The following SUGCT variants were observed in gnomAD, a reference collection of about 807,000 sequenced individuals.
SUGCT encodes succinyl-CoA:glutarate CoA-transferase.
SUGCT carries 41 observed loss-of-function variants against 55.0 expected under a neutral mutation model. The observed-to-expected ratio is 0.74, with a 90% CI of 0.58 to 0.97. The LOEUF (loss-of-function observed/expected upper bound fraction) is 0.97, where lower values mean the gene tolerates loss of function less well. Among genes scored for constraint, SUGCT ranks in the 50% least tolerant of loss-of-function variants. The probability of loss-of-function intolerance (pLI) is 0.00; values close to 1 mark genes in which losing one functional copy is unlikely to be tolerated. For missense variants in SUGCT, 568 were observed against 547.8 expected, an observed-to-expected ratio of 1.04 and a Z score of -0.37; for synonymous variants, 187 against 200.4, an observed-to-expected ratio of 0.93 and a Z score of 0.56.
intron 13 of SUGCT, among the ~76,000 whole-genome samples, chr7:40,823,052 C>T (rs769280314): frequency 2.0e-5 from 3 of 152,130 alleles, no homozygotes; most frequent in Non-Finnish European, 4.4e-5. Context: ...TGATGTCCCT[C>T]ATAACTCACT....
rs78342024 is a variant in SUGCT, at chr7:40,285,222, A to G, written c.720+10566A>G. ...TAATTAAGTTCAAGATATAAAAGAAATAGAAATGGAAAGATCTATTGATGT... is the reference window on the plus strand; with the variant it reads ...TAATTAAGTTCAAGATATAAAAGAAGTAGAAATGGAAAGATCTATTGATGT... On this transcript the variant is annotated intron_variant, in intron 8 of 13. Coordinates refer to ENST00000335693, the MANE Select transcript of SUGCT (RefSeq NM_001193313.2). Among the ~76,000 whole-genome samples the G allele has an allele frequency of 2.0e-4, 30 of 152,290 alleles. 2 individuals are homozygous for G. In the East Asian group the frequency reaches 5.8e-3, roughly 29 times the overall value.
At chr7:40,434,479 T>C (rs1008099342) in intron 9 of SUGCT, among the ~76,000 whole-genome samples, 1 of 152,152 alleles carries the variant, frequency 6.6e-6, no homozygotes, top group Non-Finnish European at 1.5e-5. Flanking sequence ...GAACTTCATA[T>C]CCAGATTCAT....
intron 9 of SUGCT, among the ~76,000 whole-genome samples, chr7:40,421,916 C>T (rs1303270566): frequency 6.6e-6 from 1 of 152,096 alleles, no homozygotes; most frequent in East Asian, 1.9e-4. Context: ...GACCTTCTAG[C>T]TTTGGGCCAT....
At chr7:40,442,892 G>A (rs1788596907) in intron 9 of SUGCT, among the ~76,000 whole-genome samples, 1 of 151,928 alleles carries the variant, frequency 6.6e-6, no homozygotes, top group Non-Finnish European at 1.5e-5. Flanking sequence ...ACCATGACAG[G>A]CCCCAGTGTG....
At chr7:40,247,658 A>G (rs1789992689) in intron 7 of SUGCT, among the ~76,000 whole-genome samples, 1 of 152,198 alleles carries the variant, frequency 6.6e-6, no homozygotes, top group Admixed American at 6.5e-5. Flanking sequence ...TTCTATGCTT[A>G]GTAGACATTT....
intron 8 of SUGCT, among the ~76,000 whole-genome samples, chr7:40,275,690 CT>C (rs1332612570): frequency 6.6e-6 from 1 of 151,176 alleles, no homozygotes; most frequent in East Asian, 1.9e-4. Flanking sequence ...TAAAGATACA[CT>C]TTTTTTTTCA....
chr7:40,705,486 A>C (rs1245594081), intron 12 of SUGCT, among the ~76,000 whole-genome samples: 1 of 151,304 alleles, frequency 6.6e-6, no homozygotes, highest in African/African-American at 2.4e-5. Context: ...CTATTTTCTA[A>C]TTTCCAATTT....
chr7:40,487,212 G>A (rs906356193), intron 11 of SUGCT, among the ~76,000 whole-genome samples: 2 of 141,426 alleles, frequency 1.4e-5, no homozygotes, highest in Non-Finnish European at 3.0e-5. Context: ...AGCCTTCCAG[G>A]TAGCCGGGAT....
chr7:41,035,891 G>A, the SUGCT span, among the ~76,000 whole-genome samples: 3 of 152,130 alleles, frequency 2.0e-5, no homozygotes, highest in Non-Finnish European at 2.9e-5. Flanking sequence ...CTCACATGAT[G>A]CAGCTCATAG....
chr7:40,538,270 G>A (rs1562846078), intron 12 of SUGCT: 1 of 152,174 alleles, frequency 6.6e-6, no homozygotes, highest in Admixed American at 6.5e-5. Flanking sequence ...CATTAATAAT[G>A]TTTAATGCTT....
In SUGCT at chr7:40,187,557, A is replaced by C. The variant is rs528003761; in HGVS notation, c.227-938A>C. Among the ~76,000 whole-genome samples, 3 of 152,306 alleles carry C rather than the reference A, an allele frequency of 2.0e-5. No individual in the cohort carries two copies. The South Asian group carries it at 6.2e-4, about 32-fold the overall frequency. On this transcript the variant is annotated intron_variant, in intron 3 of 13. Transcript: ENST00000335693. The stretch of plus-strand genomic sequence containing the variant: ...TGTGCCATGGACACAGAGCCTTCTG[A>C]AACCCCAGTTAGATCAGGAAAGCCT...
intron 1 of SUGCT, among the ~76,000 whole-genome samples, chr7:40,139,798 C>T (rs1291548479): frequency 1.3e-5 from 2 of 152,122 alleles, no homozygotes; most frequent in Non-Finnish European, 2.9e-5. Flanking sequence ...GTCATGAATT[C>T]TTTGCCTAGA....
intron 12 of SUGCT, among the ~76,000 whole-genome samples, chr7:40,646,965 G>T (rs1439292314): frequency 6.6e-6 from 1 of 152,302 alleles, no homozygotes; most frequent in East Asian, 1.9e-4. Flanking sequence ...ATACCTGCCA[G>T]CAGAATTAGT....
chr7:40,351,913 T>G (rs972655012), intron 9 of SUGCT, among the ~76,000 whole-genome samples: 1 of 152,248 alleles, frequency 6.6e-6, no homozygotes, highest in Non-Finnish European at 1.5e-5. Flanking sequence ...TGAGAAGCTT[T>G]TAATGCAAAG....
intron 12 of SUGCT, among the ~76,000 whole-genome samples, chr7:40,695,162 CT>C (rs929809166): frequency 7.0e-6 from 1 of 142,692 alleles, no homozygotes; most frequent in African/African-American, 2.6e-5. Context: ...TACCTAAACC[CT>C]TATTTTTATT....
intron 13 of SUGCT, among the ~76,000 whole-genome samples, chr7:40,797,380 A>G (rs1790599917): frequency 2.0e-5 from 3 of 150,676 alleles, no homozygotes; most frequent in East Asian, 2.0e-4. Context: ...TTAACTCAAG[A>G]CCTCCGAAAC....
intron 13 of SUGCT, among the ~76,000 whole-genome samples, chr7:40,810,265 T>C (rs770490489): frequency 1.4e-4 from 22 of 152,076 alleles, no homozygotes; most frequent in Admixed American, 2.6e-4. Flanking sequence ...AGATTTATTT[T>C]CTTTTGGATA....
chr7:40,772,578 GCTATCTATCTATCTATCTATCTATCTAT>G (rs70990645), intron 13 of SUGCT, among the ~76,000 whole-genome samples: 2 of 103,860 alleles, frequency 1.9e-5, no homozygotes, highest in Non-Finnish European at 4.1e-5. Context: ...TTATCTATCT[GCTATCTATCTATCTATCTATCTATCTAT>G]CTATCTATCT....
intron 9 of SUGCT, among the ~76,000 whole-genome samples, chr7:40,331,306 T>C (rs1796300012): frequency 6.6e-6 from 1 of 152,218 alleles, no homozygotes; most frequent in South Asian, 2.1e-4. Flanking sequence ...AATTTTTTTT[T>C]CCTTTTTCTT....
Sources: allele counts gnomAD v4.1 joint callset (sites outside exome capture counted in the v4.1 genomes callset), GRCh38; gene constraint gnomAD v4.1.1; transcripts MANE v1.5; gene names NCBI Gene and HGNC (gene_info 2026-07-23, HGNC 2026-07-21).